GRIN2A: variants seen among roughly 807,000 people sequenced by gnomAD.
GRIN2A encodes the protein glutamate receptor ionotropic, NMDA 2A.
A neutral mutation model predicts 113.4 loss-of-function variants in GRIN2A; 22 were observed. The ratio of observed to expected loss-of-function variants is 0.19; its 90% CI spans 0.14 to 0.28. The LOEUF is 0.28. Among genes scored for constraint, GRIN2A ranks in the 10% least tolerant of loss-of-function variants. The pLI is 1.00. For synonymous variants in GRIN2A, 827 were observed against 738.4 expected, an observed-to-expected ratio of 1.12 and a Z score of -1.94; for missense variants, 1,502 against 1,887.0, an observed-to-expected ratio of 0.80 and a Z score of 3.78.
intron 2 of GRIN2A, among the ~76,000 whole-genome samples, chr16:10,164,870 CAAT>C (rs1308133146): frequency 2.0e-5 from 3 of 152,112 alleles, no homozygotes; most frequent in African/African-American, 7.2e-5. Flanking sequence ...CAAATTATAA[CAAT>C]GAGTTAATAT....
intron 2 of GRIN2A, among the ~76,000 whole-genome samples, chr16:10,152,917 G>C (rs2049613478): frequency 2.0e-5 from 3 of 152,298 alleles, no homozygotes; most frequent in African/African-American, 7.2e-5. Context: ...AAGATCAGTG[G>C]TTGCCAGGAG....
At chr16:10,068,944 GAGAGCACAGGTGACAACTGAC>G (rs1481221855) in intron 2 of GRIN2A, among the ~76,000 whole-genome samples, 22 of 152,292 alleles carry the variant, frequency 1.4e-4, no homozygotes, top group African/African-American at 4.3e-4. Context: ...AAAACTGACA[GAGAGCACAGGTGACAACTGAC>G]AGAGCACAGG....
Position 9,937,939 on chromosome 16 carries a change from G to C in GRIN2A, c.1007+20C>G. ...GCAAAACTCTGATCCCACTTTGGGA[G>C]ACAACAAGCCCTTTCTTACGGGTGC... On this transcript the variant is annotated intron_variant, in intron 3 of 12. Coordinates refer to ENST00000330684, the MANE Select transcript of GRIN2A (RefSeq NM_001134407.3). 6.4e-7 allele frequency: 1 copy of C among 1,565,422 alleles called. No homozygotes were observed. The highest frequency in any genetic ancestry group is 8.8e-7 in the Non-Finnish European group (1 of 1,136,186).
At chr16:10,105,846 G>A (rs1297016967) in intron 2 of GRIN2A, among the ~76,000 whole-genome samples, 5 of 152,220 alleles carry the variant, frequency 3.3e-5, no homozygotes, top group Admixed American at 6.5e-5. Flanking sequence ...GGTGGGGGTT[G>A]CAGACAGCTA....
chr16:10,144,816 G>A (rs997934448), intron 2 of GRIN2A, among the ~76,000 whole-genome samples: 6 of 151,268 alleles, frequency 4.0e-5, no homozygotes, highest in Non-Finnish European at 5.9e-5. Flanking sequence ...AACTACTCAG[G>A]AGGCTGAGGT....
chr16:9,810,526 C>T (rs2042066389), intron 10 of GRIN2A, among the ~76,000 whole-genome samples: 1 of 152,174 alleles, frequency 6.6e-6, no homozygotes, highest in Non-Finnish European at 1.5e-5. Context: ...GTCCTAACTC[C>T]AACGGCTGGA....
At chr16:9,927,706 C>T (rs2044495811) in intron 3 of GRIN2A, among the ~76,000 whole-genome samples, 1 of 152,208 alleles carries the variant, frequency 6.6e-6, no homozygotes, top group Admixed American at 6.5e-5. Flanking sequence ...CCTTAGAGTA[C>T]TTTCACGTTT....
At position 10,069,745 on chromosome 16, in the gene GRIN2A, A is replaced by C. The variant is rs191498421; in HGVS notation, c.414+110253T>G. ...CCAGCCCAGGCTGGGAGGGCTCTTC[A>C]TCTCTTGTTAAGGAAATGTTTCAGG... On this transcript the variant is annotated intron_variant, in intron 2 of 12. Coordinates refer to ENST00000330684, the MANE Select transcript of GRIN2A (RefSeq NM_001134407.3). Among the ~76,000 whole-genome samples the C allele has an allele frequency of 2.0e-5, 3 of 152,376 alleles. No individual in the cohort carries two copies. In the East Asian group the frequency reaches 5.8e-4, roughly 29 times the overall value.
intron 2 of GRIN2A, among the ~76,000 whole-genome samples, chr16:9,955,952 C>T (rs2045298474): frequency 6.6e-6 from 1 of 152,194 alleles, no homozygotes; most frequent in African/African-American, 2.4e-5. Flanking sequence ...GACAAAGTCT[C>T]TGCCAGGTGT....
chr16:10,111,876 T>G (rs923335849), intron 2 of GRIN2A: 4 of 959,144 alleles, frequency 4.2e-6, no homozygotes, highest in South Asian at 1.3e-5. Flanking sequence ...ACATCAACTT[T>G]CTTGCTGAGA....
At chr16:10,001,394 G>C (rs1482792330) in intron 2 of GRIN2A, among the ~76,000 whole-genome samples, 2 of 152,164 alleles carry the variant, frequency 1.3e-5, no homozygotes, top group Non-Finnish European at 2.9e-5. Flanking sequence ...AGATACATAA[G>C]CTTCTGTGAC....
chr16:10,132,314 A>T (rs2049081041), intron 2 of GRIN2A, among the ~76,000 whole-genome samples: 2 of 146,424 alleles, frequency 1.4e-5, no homozygotes, highest in South Asian at 4.6e-4. Context: ...CCTGGGCAAC[A>T]GAATGAGCAG....
chr16:9,760,679 A>G lies in GRIN2A; in HGVS notation c.*2470T>C. On this transcript the variant is annotated 3_prime_UTR_variant, in exon 13 of 13. Coordinates refer to ENST00000330684, the MANE Select transcript of GRIN2A (RefSeq NM_001134407.3). ...CAAGTATAACTCTCACTCTCCCTGG[A>G]GGTCTCTGTGGCATTTGGCAGCCCC... is the stretch of plus-strand genomic sequence containing the variant. The G allele has an allele frequency of 4.4e-6, 1 of 226,560 alleles. No individual in the cohort carries two copies. The highest frequency in any genetic ancestry group is 6.3e-5 in the East Asian group (1 of 15,776). 14.0% of individuals were successfully genotyped at this position (226,560 alleles called of 1,614,324 possible). A position where few individuals can be genotyped will look rare whatever the true frequency, so the allele number is the denominator to read the frequency against.
chr16:9,776,798 G>A (rs879477334), intron 11 of GRIN2A, among the ~76,000 whole-genome samples: 1 of 151,954 alleles, frequency 6.6e-6, no homozygotes, highest in African/African-American at 2.4e-5. Context: ...TCAGAAGCCC[G>A]ATTGGAATTG....
intron 7 of GRIN2A, among the ~76,000 whole-genome samples, chr16:9,840,310 T>C (rs1488060206): frequency 6.6e-6 from 1 of 151,926 alleles, no homozygotes; most frequent in African/African-American, 2.4e-5. Flanking sequence ...CCCCTTATAA[T>C]AATAATAATA....
intron 3 of GRIN2A, among the ~76,000 whole-genome samples, chr16:9,905,059 A>G (rs2044000318): frequency 6.6e-6 from 1 of 152,228 alleles, no homozygotes; most frequent in South Asian, 2.1e-4. Context: ...CAGCTATAGA[A>G]AGGCTTCAAA....
intron 2 of GRIN2A, among the ~76,000 whole-genome samples, chr16:10,134,084 T>C (rs1044923505): frequency 6.6e-6 from 1 of 151,026 alleles, no homozygotes; most frequent in Non-Finnish European, 1.5e-5. Context: ...TAGTCCAACC[T>C]ACTCAGGAGG....
intron 5 of GRIN2A, among the ~76,000 whole-genome samples, chr16:9,849,339 A>G (rs1445612676): frequency 6.6e-6 from 1 of 151,322 alleles, no homozygotes; most frequent in East Asian, 1.9e-4. Flanking sequence ...TCAAAAATAA[A>G]TAAATGAATA....
At chr16:9,859,959 G>A (rs1246990018) in intron 4 of GRIN2A, among the ~76,000 whole-genome samples, 1 of 151,428 alleles carries the variant, frequency 6.6e-6, no homozygotes, top group Non-Finnish European at 1.5e-5. Flanking sequence ...GGAAGCCCTG[G>A]GGCTACGGTG....
Sources: gnomAD v4.1 joint callset for allele counts (sites outside exome capture counted in the v4.1 genomes callset) on GRCh38, gnomAD v4.1.1 for gene constraint, MANE v1.5 for transcripts, NCBI Gene and HGNC (gene_info 2026-07-23, HGNC 2026-07-21) for gene names.